PCARE: variants seen among roughly 807,000 people sequenced by gnomAD.
PCARE encodes the protein uncharacterized protein C2orf71.
Under a neutral mutation model 82.2 loss-of-function variants are expected in PCARE, and 72 were observed. The observed-to-expected ratio is 0.88, with a 90% CI of 0.72 to 1.07. The LOEUF (loss-of-function observed/expected upper bound fraction) is 1.07. Ranked by LOEUF, PCARE falls within the 50% of genes least tolerant of loss-of-function variation. The pLI is 0.00. For synonymous variants in PCARE, 705 were observed against 634.8 expected (o/e 1.11, Z -1.66); for missense variants, 1,768 against 1,592.4 (o/e 1.11, Z -1.88).
Position 29,073,730 on chromosome 2 carries a change from C to T in PCARE, c.532G>A (p.Glu178Lys). 1 of 1,614,168 alleles carries T rather than the reference C, an allele frequency of 6.2e-7. No individual in the cohort carries two copies. Among genetic ancestry groups the T allele is most frequent in the African/African-American group, 1.3e-5 (1 of 75,020 alleles). Residue 178 changes from glutamate (E) to lysine (K), a missense_variant, in exon 1 of 2, where the codon GAG (glutamate) becomes AAG (lysine). Physicochemically the swap from Glu to Lys is moderately conservative, Grantham distance 56. Coordinates refer to ENST00000331664, the MANE Select transcript of PCARE (RefSeq NM_001029883.3). ...HEPEGKVDFP[E>K]PLVKAHQQAY... is the part of the protein sequence containing the mutation. Reference sequence around the variant, plus strand: ...TGCTGGTGGGCCTTTACCAGAGGCTCCGGGAAGTCCACTTTGCCTTCAGGC... The same window carrying T: ...TGCTGGTGGGCCTTTACCAGAGGCTTCGGGAAGTCCACTTTGCCTTCAGGC...
At position 29,073,986 on chromosome 2, in the gene PCARE, C is replaced by G; in HGVS notation, c.276G>C (p.Leu92=). The stretch of plus-strand genomic sequence containing the variant: ...ATGAAGAGGTTTTGGTTCCTGGGAT[C>G]AGTCCTTCCATATCTTTCCTTTTGC... The part of the protein sequence containing the change: ...ASGKRKDMEG[L]IPGTKTSSSQ... Residue 92 remains leucine (L), a synonymous_variant, in exon 1 of 2, where the codon CTG becomes CTC. Coordinates refer to ENST00000331664, the MANE Select transcript of PCARE (RefSeq NM_001029883.3). The G allele has an allele frequency of 1.2e-6, 2 of 1,614,200 alleles. No homozygotes were observed. The highest frequency in any genetic ancestry group is 2.2e-5 in the South Asian group (2 of 91,082).
In PCARE at chr2:29,070,623, G is replaced by T. The variant is rs1266359303; in HGVS notation, c.3639C>A (p.Thr1213=). Residue 1213 remains threonine (T), a synonymous_variant, in exon 1 of 2, where the codon ACC becomes ACA. Transcript: ENST00000331664. ...PQPPTLDPTS[T]SYESQLGQNS... is the part of the protein sequence containing the mutation. ...TCTGGCCGAGCTGGGATTCATAAGAGGTGCTGGTGGGGTCCAAGGTGGGAG... is the reference window on the plus strand; with the variant it reads ...TCTGGCCGAGCTGGGATTCATAAGATGTGCTGGTGGGGTCCAAGGTGGGAG... 6.2e-7 allele frequency: 1 copy of T among 1,614,058 alleles called. No homozygotes were observed. The highest frequency in any genetic ancestry group is 1.7e-5 in the Admixed American group (1 of 60,026).
Position 29,073,987 on chromosome 2 carries a change from A to G in PCARE, c.275T>C (p.Leu92Pro). The G allele has an allele frequency of 6.2e-7, 1 of 1,614,220 alleles. No individual in the cohort carries two copies. Among genetic ancestry groups the G allele is most frequent in the South Asian group, 1.1e-5 (1 of 91,088 alleles). ...ASGKRKDMEG[L>P]IPGTKTSSSQ... is the part of the protein sequence containing the mutation. ...TGAAGAGGTTTTGGTTCCTGGGATC[A>G]GTCCTTCCATATCTTTCCTTTTGCC... The change falls in exon 1 of 2, where the codon CTG (leucine) becomes CCG (proline). Residue 92 changes from leucine to proline, a missense_variant. Leu to Pro is a moderately conservative substitution (Grantham distance 98, BLOSUM62 -3). Transcript: ENST00000331664.
chr2:29,071,471 T>C lies in PCARE; in HGVS notation c.2791A>G (p.Ser931Gly), dbSNP rs1667482006. Residue 931 changes from serine to glycine, a missense_variant, in exon 1 of 2, where the codon AGC (serine) becomes GGC (glycine). Transcript: ENST00000331664. ...ALDLSSPPATSQSPEVKGGTW... is the reference protein window; with the variant it reads ...ALDLSSPPATGQSPEVKGGTW... ...CCACCCTTCACCTCGGGGCTTTGGC[T>C]GGTGGCTGGTGGGCTGCTCAGGTCC... 6.2e-7 allele frequency: 1 copy of C among 1,611,916 alleles called. No homozygotes were observed. Among genetic ancestry groups the C allele is most frequent in the African/African-American group, 1.3e-5 (1 of 74,936 alleles).
chr2:29,062,214 A>C lies in PCARE; in HGVS notation c.*2655T>G, dbSNP rs886737235. On this transcript the variant is annotated 3_prime_UTR_variant, in exon 2 of 2. Coordinates refer to ENST00000331664, the MANE Select transcript of PCARE (RefSeq NM_001029883.3). Reference sequence around the variant, plus strand: ...CAGTAGCCTAAGGTTACTGGGCAACACAATGGTGTCACCAGCTCACTGTCC... The same window carrying C: ...CAGTAGCCTAAGGTTACTGGGCAACCCAATGGTGTCACCAGCTCACTGTCC... 6.6e-6 allele frequency: 1 copy of C among 152,210 alleles called. No individual in the cohort carries two copies. Among genetic ancestry groups the C allele is most frequent in the Non-Finnish European group, 1.5e-5 (1 of 68,062 alleles). The allele number at this position is 152,210 out of a possible 1,614,324, so 9.4% of individuals were successfully genotyped here. A position where few individuals can be genotyped will look rare whatever the true frequency, so the allele number is the denominator to read the frequency against.
intron 1 of PCARE, 35 bp from the exon 2 acceptor site, chr2:29,065,102 T>G: frequency 1.3e-6 from 2 of 1,541,744 alleles, no homozygotes; most frequent in Non-Finnish European, 1.7e-6. Flanking sequence ...GGTCAGACAC[T>G]CCTCCTCTGC....
chr2:29,072,980 C>T lies in PCARE; in HGVS notation c.1282G>A (p.Asp428Asn), dbSNP rs1230967565. The T allele has an allele frequency of 6.2e-7, 1 of 1,614,154 alleles. No homozygotes were observed. Reference protein sequence around the residue: ...PMAKVQPRAQDEARSPCLSST... With the variant: ...PMAKVQPRAQNEARSPCLSST... ...GAGAGGCATGGGCTCCTTGCTTCGT[C>T]CTGTGCTCGTGGCTGAACCTTTGCC... The change falls in exon 1 of 2, where the codon GAC becomes AAC. Residue 428 changes from aspartate to asparagine, a missense_variant. Physicochemically the swap from Asp to Asn is conservative, Grantham distance 23. Coordinates refer to ENST00000331664, the MANE Select transcript of PCARE (RefSeq NM_001029883.3).
Position 29,070,596 on chromosome 2 carries a change from G to A in PCARE, c.3666C>T (p.Asn1222=), listed in dbSNP as rs761455794. Residue 1222 remains asparagine, a splice_region_variant and synonymous_variant, in exon 1 of 2, where the codon AAC becomes AAT. Coordinates refer to ENST00000331664, the MANE Select transcript of PCARE (RefSeq NM_001029883.3). ...STSYESQLGQ[N]SSSEESPKKD... ...AGTGACCCCAGGACACTCCTTACCTGTTCTGGCCGAGCTGGGATTCATAAG... is the reference window on the plus strand; with the variant it reads ...AGTGACCCCAGGACACTCCTTACCTATTCTGGCCGAGCTGGGATTCATAAG... The A allele has an allele frequency of 2.5e-6, 4 of 1,613,956 alleles. No homozygotes were observed. The highest frequency in any genetic ancestry group is 1.7e-5 in the Admixed American group (1 of 60,032).
chr2:29,067,733 CG>C (rs1390980501), intron 1 of PCARE, among the ~76,000 whole-genome samples: 1 of 152,120 alleles, frequency 6.6e-6, no homozygotes, highest in Non-Finnish European at 1.5e-5. Context: ...TTAGTAGAGA[CG>C]GGGTTTTACC....
At position 29,073,461 on chromosome 2, in the gene PCARE, C is replaced by G. The variant is rs768855112; in HGVS notation, c.801G>C (p.Leu267=). ...TGACTGTGTACTGTAGCAGCTGTTG[C>G]AGGAGATTTGGCTGCTCCTGGGGCT... is the stretch of plus-strand genomic sequence containing the variant. The part of the protein sequence containing the change: ...KREPQEQPNL[L]QQLLQYTVSK... The change falls in exon 1 of 2, where the codon CTG becomes CTC. Residue 267 remains leucine (L), a synonymous_variant. Coordinates refer to ENST00000331664, the MANE Select transcript of PCARE (RefSeq NM_001029883.3). 26 of 1,614,090 alleles carry G rather than the reference C, an allele frequency of 1.6e-5. No individual in the cohort carries two copies. The highest frequency in any genetic ancestry group is 1.9e-5 in the Non-Finnish European group (23 of 1,180,044).
At position 29,064,810 on chromosome 2, in the gene PCARE, T is replaced by A; in HGVS notation, c.*59A>T. On this transcript the variant is annotated 3_prime_UTR_variant, in exon 2 of 2. Coordinates refer to ENST00000331664, the MANE Select transcript of PCARE (RefSeq NM_001029883.3). The stretch of plus-strand genomic sequence containing the variant: ...TCATCTCTGGGTCAGGCTGGACACT[T>A]GGCTGTCACACTTGGCCTTCTGGGG... 1 of 1,599,876 alleles carries A rather than the reference T, an allele frequency of 6.3e-7. No individual in the cohort carries two copies. The highest frequency in any genetic ancestry group is 8.5e-7 in the Non-Finnish European group (1 of 1,176,974).
Position 29,071,998 on chromosome 2 carries a change from GC to G in PCARE, c.2263del (p.Ala755GlnfsTer42), listed in dbSNP as rs907204029. 1.2e-6 allele frequency: 2 copies of G among 1,613,818 alleles called. No homozygotes were observed. Among genetic ancestry groups the G allele is most frequent in the African/African-American group, 2.7e-5 (2 of 74,912 alleles). On this transcript the variant is annotated frameshift_variant, in exon 1 of 2. Coordinates refer to ENST00000331664, the MANE Select transcript of PCARE (RefSeq NM_001029883.3). LOFTEE classifies it high-confidence loss of function. The part of the protein sequence containing the change: ...RMLGDSKDAG[A>X]SPCLRNCIMP... Reference sequence around the variant, plus strand: ...GATGCAATTCCTGAGGCAGGGACTTGCCCCAGCGTCCTTAGAGTCCCCCAGC... The same window carrying G: ...GATGCAATTCCTGAGGCAGGGACTTGCCCAGCGTCCTTAGAGTCCCCCAGC...
chr2:29,067,450 G>T (rs1667406048), intron 1 of PCARE, among the ~76,000 whole-genome samples: 1 of 152,184 alleles, frequency 6.6e-6, no homozygotes, highest in African/African-American at 2.4e-5. Flanking sequence ...CAGCTGTGTG[G>T]TGTCATAAGA....
rs755458208 is a variant in PCARE, at chr2:29,063,633, G to T, written c.*1236C>A. The T allele has an allele frequency of 6.6e-6, 1 of 152,606 alleles. No individual in the cohort carries two copies. The allele number at this position is 152,606 out of a possible 1,614,324, so 9.5% of individuals were successfully genotyped here. On this transcript the variant is annotated 3_prime_UTR_variant, in exon 2 of 2. Coordinates refer to ENST00000331664, the MANE Select transcript of PCARE (RefSeq NM_001029883.3). The stretch of plus-strand genomic sequence containing the variant: ...TCGTCCCTTTGCTGTACCCCAGTGG[G>T]TAAGAATTCTTGTCTTTTGCCAACC...
rs1404328034 is a variant in PCARE, at chr2:29,071,418, G to A, written c.2844C>T (p.Thr948=). The change falls in exon 1 of 2, where the codon ACC becomes ACT. Residue 948 remains threonine (T), a synonymous_variant. Transcript: ENST00000331664. ...GGTWSQAEKA[T]SLYRQPRKAI... ...CCTTCCGGGGCTGCCTGTAGAGGCTGGTGGCCTTCTCTGCCTGACTCCAAG... is the reference window on the plus strand; with the variant it reads ...CCTTCCGGGGCTGCCTGTAGAGGCTAGTGGCCTTCTCTGCCTGACTCCAAG... The A allele has an allele frequency of 6.2e-7, 1 of 1,613,458 alleles. No individual in the cohort carries two copies. The highest frequency in any genetic ancestry group is 1.3e-5 in the African/African-American group (1 of 74,952).
rs1244139358 is a variant in PCARE at position 29,072,651 on chromosome 2, G to A, written c.1611C>T (p.Ala537=). The part of the protein sequence containing the change: ...ARTRRLRSLQ[A]QEMILKMKES... ...CCTTCATCTTCAGAATCATTTCCTG[G>A]GCCTGGAGGCTCCTAAGCCTCCTGG... is the stretch of plus-strand genomic sequence containing the variant. The change falls in exon 1 of 2, where the codon GCC becomes GCT. Residue 537 remains alanine, a synonymous_variant. Transcript: ENST00000331664. 3 of 1,613,968 alleles carry A rather than the reference G, an allele frequency of 1.9e-6. No individual in the cohort carries two copies. Among genetic ancestry groups the A allele is most frequent in the Non-Finnish European group, 2.5e-6 (3 of 1,180,030 alleles).
chr2:29,072,703 T>C lies in PCARE; in HGVS notation c.1559A>G (p.Asp520Gly). The C allele has an allele frequency of 1.2e-6, 2 of 1,613,992 alleles. No homozygotes were observed. The highest frequency in any genetic ancestry group is 1.1e-5 in the South Asian group (1 of 91,070). The change falls in exon 1 of 2, where the codon GAC becomes GGC. Residue 520 changes from aspartate to glycine, a missense_variant. By Grantham distance (94) the Asp-to-Gly change is moderately conservative. Transcript: ENST00000331664. ...GCGGGCCTGAAATGGGCTTTCCCGG[T>C]CAGCAGGTGAAGATTGTGGCCTTGA... The part of the protein sequence containing the change: ...PHSRPQSSPA[D>G]RESPFQARTR...
chr2:29,072,403 C>A lies in PCARE; in HGVS notation c.1859G>T (p.Ser620Ile), dbSNP rs754589101. The A allele has an allele frequency of 6.2e-7, 1 of 1,614,222 alleles. No homozygotes were observed. Among genetic ancestry groups the A allele is most frequent in the Admixed American group, 1.7e-5 (1 of 60,032 alleles). ...QELRRVQRDLSQKLEAFYALG... is the reference protein window; with the variant it reads ...QELRRVQRDLIQKLEAFYALG... ...GGCATAAAATGCCTCCAGCTTCTGA[C>A]TGAGGTCCCTCTGGACCCTTCGCAG... The change falls in exon 1 of 2, where the codon AGT becomes ATT. Residue 620 changes from serine (S) to isoleucine (I), a missense_variant. Transcript: ENST00000331664.
rs1176672889 is a variant in PCARE at position 29,063,302 on chromosome 2, A to T, written c.*1567T>A. 6.6e-6 allele frequency: 1 copy of T among 152,298 alleles called. No homozygotes were observed. Among genetic ancestry groups the T allele is most frequent in the Non-Finnish European group, 1.5e-5 (1 of 68,144 alleles). 9.4% of individuals were successfully genotyped at this position (152,298 alleles called of 1,614,324 possible). A position where few individuals can be genotyped will look rare whatever the true frequency, so the allele number is the denominator to read the frequency against. On this transcript the variant is annotated 3_prime_UTR_variant, in exon 2 of 2. Coordinates refer to ENST00000331664, the MANE Select transcript of PCARE (RefSeq NM_001029883.3). ...TGGGCACTGCCTGAGCACTTCTCTG[A>T]GATGAGGGCGGCAACAGGAGCAAAT...
Sources: gnomAD v4.1 joint callset for allele counts (sites outside exome capture counted in the v4.1 genomes callset) on GRCh38, gnomAD v4.1.1 for gene constraint, MANE v1.5 for transcripts, NCBI Gene and HGNC (gene_info 2026-07-23, HGNC 2026-07-21) for gene names.